The following NRXN3 variants were observed in gnomAD, a reference collection of about 807,000 sequenced individuals.
NRXN3 encodes neurexin 3.
A neutral mutation model predicts 137.6 loss-of-function variants in NRXN3; 32 were observed. The ratio of observed to expected loss-of-function variants is 0.23; its 90% CI spans 0.18 to 0.31. The LOEUF is 0.31. NRXN3 is among the 10% of genes least tolerant of loss of function. NRXN3 has a pLI of 1.00. For missense variants in NRXN3, 1,574 were observed against 2,062.5 expected, an observed-to-expected ratio of 0.76 and a Z score of 4.59; for synonymous variants, 798 against 784.5, an observed-to-expected ratio of 1.02 and a Z score of -0.29.
At chr14:78,926,937 TATATATATATAATATATATA>T (rs1427485277) in intron 10 of NRXN3, among the ~76,000 whole-genome samples, 1 of 34,710 alleles carries the variant, frequency 2.9e-5, no homozygotes, top group Non-Finnish European at 4.1e-5. Flanking sequence ...AATATATTTA[TATATATATATAATATATATA>T]ATATATATAT....
chr14:79,035,623 T>C (rs1357077347), intron 15 of NRXN3, among the ~76,000 whole-genome samples: 1 of 152,048 alleles, frequency 6.6e-6, no homozygotes, highest in East Asian at 1.9e-4. Context: ...GAGATACACA[T>C]GGTCAAATTT....
At chr14:78,230,458 T>G (rs1172668088) in intron 1 of NRXN3, among the ~76,000 whole-genome samples, 1 of 151,948 alleles carries the variant, frequency 6.6e-6, no homozygotes, top group Non-Finnish European at 1.5e-5. Context: ...TGGGGTGACA[T>G]GGAGGGGTAC....
chr14:79,603,703 A>G lies in NRXN3; in HGVS notation c.3445-60075A>G, dbSNP rs189572115. On this transcript the variant is annotated intron_variant, in intron 16 of 20. Coordinates refer to ENST00000335750, the MANE Select transcript of NRXN3 (RefSeq NM_001330195.2). The stretch of plus-strand genomic sequence containing the variant: ...CTTGCACAGAAAAGGTAGTCAATAA[A>G]TGTTTGAAAAAAAAAATCCCAGTTT... 3.7e-4 allele frequency among the ~76,000 whole-genome samples: 56 copies of G among 151,468 alleles called. 1 individual carries two copies. Among genetic ancestry groups the G allele is most frequent in the African/African-American group, 1.3e-3 (52 of 41,426 alleles).
chr14:79,362,789 C>T (rs932732987), intron 15 of NRXN3, among the ~76,000 whole-genome samples: 1 of 152,212 alleles, frequency 6.6e-6, no homozygotes, highest in Non-Finnish European at 1.5e-5. Flanking sequence ...CAAATTAACA[C>T]AGTTCCAGCA....
At chr14:78,997,087 G>A (rs575796725) in intron 15 of NRXN3, among the ~76,000 whole-genome samples, 55 of 152,198 alleles carry the variant, frequency 3.6e-4, no homozygotes, top group African/African-American at 1.2e-3. Flanking sequence ...ATACTAAACC[G>A]ATTCAGCAAG....
intron 4 of NRXN3, among the ~76,000 whole-genome samples, chr14:78,612,426 T>C (rs2097308089): frequency 6.6e-6 from 1 of 152,198 alleles, no homozygotes; most frequent in South Asian, 2.1e-4. Context: ...GTAATGAATA[T>C]AGTGGTTTTC....
At chr14:78,854,721 T>A (rs1359619674) in intron 10 of NRXN3, among the ~76,000 whole-genome samples, 1 of 152,188 alleles carries the variant, frequency 6.6e-6, no homozygotes, top group Non-Finnish European at 1.5e-5. Context: ...AAGTCCTTGC[T>A]TTGTCCTCAA....
chr14:79,316,836 T>A (rs1211994779), intron 15 of NRXN3, among the ~76,000 whole-genome samples: 1 of 152,006 alleles, frequency 6.6e-6, no homozygotes, highest in Non-Finnish European at 1.5e-5. Flanking sequence ...GGAAGTGTAT[T>A]CATTTCCTAG....
chr14:79,501,942 C>T (rs1019081317), intron 16 of NRXN3, among the ~76,000 whole-genome samples: 1 of 152,086 alleles, frequency 6.6e-6, no homozygotes, highest in African/African-American at 2.4e-5. Flanking sequence ...AAAGCCACTT[C>T]TGTTACTTTT....
intron 15 of NRXN3, among the ~76,000 whole-genome samples, chr14:79,244,557 C>T (rs1030891887): frequency 2.6e-5 from 4 of 152,020 alleles, no homozygotes; most frequent in Non-Finnish European, 4.4e-5. Context: ...TTCCCATGAG[C>T]GGTAGAGGTT....
chr14:79,493,612 T>C (rs2096738087), intron 16 of NRXN3, among the ~76,000 whole-genome samples: 1 of 152,212 alleles, frequency 6.6e-6, no homozygotes, highest in Non-Finnish European at 1.5e-5. Flanking sequence ...ATACACTCTA[T>C]CACGGGATGA....
At chr14:79,305,574 TGCCAAA>T (rs753105857) in intron 15 of NRXN3, among the ~76,000 whole-genome samples, 3 of 152,088 alleles carry the variant, frequency 2.0e-5, no homozygotes, top group Non-Finnish European at 4.4e-5. Flanking sequence ...TAAATGACTT[TGCCAAA>T]GTAATACACT....
chr14:78,870,688 C>G (rs553134439), intron 10 of NRXN3, among the ~76,000 whole-genome samples: 2 of 152,054 alleles, frequency 1.3e-5, no homozygotes, highest in East Asian at 1.9e-4. Flanking sequence ...TCCCCTCCCC[C>G]ACTACCCATC....
At chr14:78,355,815 A>G (rs1016535589) in intron 4 of NRXN3, among the ~76,000 whole-genome samples, 3 of 152,188 alleles carry the variant, frequency 2.0e-5, no homozygotes, top group African/African-American at 7.2e-5. Flanking sequence ...TCAATCTTTA[A>G]TACATGATTG....
Position 79,697,745 on chromosome 14 carries a change from G to C in NRXN3, c.3822G>C (p.Leu1274=). 1 of 1,613,162 alleles carries C rather than the reference G, an allele frequency of 6.2e-7. No homozygotes were observed. Among genetic ancestry groups the C allele is most frequent in the Non-Finnish European group, 8.5e-7 (1 of 1,179,432 alleles). ...TCTATTATGATGGTTTGAAAGTACT[G>C]AACATGGCGGCTGAGAACAACCCCA... The part of the protein sequence containing the change: ...SGLYYDGLKV[L]NMAAENNPNI... The change falls in exon 19 of 21, where the codon CTG becomes CTC. Residue 1274 remains leucine, a synonymous_variant. Coordinates refer to ENST00000335750, the MANE Select transcript of NRXN3 (RefSeq NM_001330195.2).
intron 16 of NRXN3, among the ~76,000 whole-genome samples, chr14:79,606,653 C>T (rs1337635448): frequency 6.6e-6 from 1 of 152,130 alleles, no homozygotes. Flanking sequence ...TTTGTTAATA[C>T]TGGAAATTTT....
chr14:79,465,533 G>A (rs1303352108), intron 15 of NRXN3, among the ~76,000 whole-genome samples: 1 of 152,120 alleles, frequency 6.6e-6, no homozygotes, highest in East Asian at 1.9e-4. Flanking sequence ...GAGTCTTAGT[G>A]CTTTAGGAAG....
At chr14:78,183,095 G>A (rs947209735) in intron 1 of NRXN3, among the ~76,000 whole-genome samples, 1 of 152,170 alleles carries the variant, frequency 6.6e-6, no homozygotes, top group African/African-American at 2.4e-5. Context: ...GGAGAACCCA[G>A]AATAAGGATG....
intron 19 of NRXN3, among the ~76,000 whole-genome samples, chr14:79,773,889 C>G (rs1165514961): frequency 1.3e-5 from 2 of 150,418 alleles, no homozygotes; most frequent in Non-Finnish European, 2.9e-5. Context: ...TAACCTCTCT[C>G]TCTGCTCACC....
Sources: allele counts gnomAD v4.1 joint callset (sites outside exome capture counted in the v4.1 genomes callset), GRCh38; gene constraint gnomAD v4.1.1; transcripts MANE v1.5; gene names NCBI Gene and HGNC (gene_info 2026-07-23, HGNC 2026-07-21).